Variants in MXRA7 observed in about 807,000 individuals in gnomAD.
The protein encoded by MXRA7 is matrix remodeling associated 7.
MXRA7 carries 18 observed loss-of-function variants against 17.4 expected under a neutral mutation model. That is an observed-to-expected ratio of 1.03 (90% CI 0.71 to 1.53). The LOEUF (loss-of-function observed/expected upper bound fraction) is 1.53. Among genes scored for constraint, MXRA7 ranks in the 40% most tolerant of loss-of-function variants. The pLI, the probability that MXRA7 is intolerant of heterozygous loss-of-function variation, is 0.00. For missense variants in MXRA7, 141 were observed against 209.3 expected, an observed-to-expected ratio of 0.67 and a Z score of 2.01; for synonymous variants, 70 against 101.7, an observed-to-expected ratio of 0.69 and a Z score of 1.87.
intron 1 of MXRA7, among the ~76,000 whole-genome samples, chr17:76,693,421 C>T (rs12950841): frequency 0.28 from 41,573 of 146,188 alleles, 7,018 homozygotes; most frequent in Non-Finnish European, 0.38. Flanking sequence ...GCTGAGATCA[C>T]GCCACTGCAA....
chr17:76,682,819 G>T (rs1468156175), intron 3 of MXRA7, among the ~76,000 whole-genome samples: 3 of 152,166 alleles, frequency 2.0e-5, no homozygotes, highest in African/African-American at 7.2e-5. Flanking sequence ...GCACAAAGTG[G>T]TAACTGCAGC....
chr17:76,687,752 C>T (rs1015427357), intron 2 of MXRA7, among the ~76,000 whole-genome samples: 1 of 152,232 alleles, frequency 6.6e-6, no homozygotes. Context: ...GAGTGGTTTT[C>T]GTCTCAGTAA....
intron 1 of MXRA7, among the ~76,000 whole-genome samples, chr17:76,708,183 G>A (rs959234777): frequency 6.6e-6 from 1 of 152,222 alleles, no homozygotes; most frequent in African/African-American, 2.4e-5. Context: ...GCTGCTTCCC[G>A]GGGCGAGAGA....
intron 1 of MXRA7, among the ~76,000 whole-genome samples, chr17:76,700,013 G>A (rs2076573421): frequency 6.6e-6 from 1 of 152,154 alleles, no homozygotes; most frequent in Non-Finnish European, 1.5e-5. Context: ...AGGTTGGAGT[G>A]CAGTGGCACA....
chr17:76,694,302 C>T (rs552910700), intron 1 of MXRA7, among the ~76,000 whole-genome samples: 65 of 152,248 alleles, frequency 4.3e-4, no homozygotes, highest in African/African-American at 1.5e-3. Flanking sequence ...CCCTGGACCA[C>T]GGTGTCCGCC....
At chr17:76,691,758 G>A (rs2076481047) in intron 1 of MXRA7, among the ~76,000 whole-genome samples, 1 of 152,170 alleles carries the variant, frequency 6.6e-6, no homozygotes, top group Non-Finnish European at 1.5e-5. Context: ...TCTCTTTAAT[G>A]ACAGGCAAAC....
At chr17:76,682,313 C>A (rs2076315757) in intron 3 of MXRA7, among the ~76,000 whole-genome samples, 2 of 152,268 alleles carry the variant, frequency 1.3e-5, no homozygotes, top group Non-Finnish European at 1.5e-5. Context: ...TGCAACTCGA[C>A]TGGACCCTGA....
chr17:76,710,366 C>G (rs1267933601), intron 1 of MXRA7, among the ~76,000 whole-genome samples: 2 of 152,192 alleles, frequency 1.3e-5, no homozygotes, highest in Non-Finnish European at 2.9e-5. Context: ...GAGCAAAACA[C>G]CTCCAAACAA....
At chr17:76,699,393 G>A (rs2076569016) in intron 1 of MXRA7, among the ~76,000 whole-genome samples, 1 of 150,464 alleles carries the variant, frequency 6.6e-6, no homozygotes, top group South Asian at 2.1e-4. Flanking sequence ...CCATTCTCCT[G>A]CCTCAACTTC....
chr17:76,685,212 G>T, intron 2 of MXRA7, 47 bp from the exon 3 acceptor site: 1 of 1,453,062 alleles, frequency 6.9e-7, no homozygotes, highest in Non-Finnish European at 9.7e-7. Context: ...GTAGAGGCTG[G>T]CCCCACAAAC....
rs1233309872 is a variant in MXRA7 at position 76,680,502 on chromosome 17, T to C, written c.*365A>G. 1 of 1,017,216 alleles carries C rather than the reference T, an allele frequency of 9.8e-7. No homozygotes were observed. Among genetic ancestry groups the C allele is most frequent in the Admixed American group, 5.7e-5 (1 of 17,468 alleles). The allele number at this position is 1,017,216 out of a possible 1,614,324, so 63.0% of individuals were successfully genotyped here. ...AAAAGAGGGGAGACTGGAGTGAAAG[T>C]GAACTCTGCTTTTAAAATGTTCTTT... On this transcript the variant is annotated 3_prime_UTR_variant, in exon 4 of 4. Transcript: ENST00000449428.
At chr17:76,692,259 C>CTTT (rs569237354) in intron 1 of MXRA7, among the ~76,000 whole-genome samples, 2 of 141,278 alleles carry the variant, frequency 1.4e-5, no homozygotes, top group African/African-American at 5.2e-5. Flanking sequence ...CTGATTTTTT[C>CTTT]TTTTTTTTTT....
At chr17:76,682,817 T>C (rs1055476477) in intron 3 of MXRA7, among the ~76,000 whole-genome samples, 13 of 152,002 alleles carry the variant, frequency 8.6e-5, no homozygotes, top group African/African-American at 3.1e-4. Context: ...GGGCACAAAG[T>C]GGTAACTGCA....
chr17:76,682,126 C>CG (rs1567976589), intron 3 of MXRA7, among the ~76,000 whole-genome samples: 1 of 152,180 alleles, frequency 6.6e-6, no homozygotes, highest in Admixed American at 6.5e-5. Context: ...TTCAGCATGT[C>CG]GGGGAACTAA....
chr17:76,688,740 T>G (rs915346978), intron 1 of MXRA7: 2 of 1,165,850 alleles, frequency 1.7e-6, no homozygotes. Flanking sequence ...CGGGATGGCC[T>G]TGGTGGAAGG....
At chr17:76,696,532 TAAAAATA>T (rs932820536) in intron 1 of MXRA7, among the ~76,000 whole-genome samples, 2 of 150,652 alleles carry the variant, frequency 1.3e-5, no homozygotes, top group Non-Finnish European at 3.0e-5. Flanking sequence ...AAAAAATAAA[TAAAAATA>T]AAAAATAAAC....
chr17:76,682,767 C>T (rs2076324211), intron 3 of MXRA7, among the ~76,000 whole-genome samples: 1 of 152,130 alleles, frequency 6.6e-6, no homozygotes, highest in African/African-American at 2.4e-5. Context: ...GAACTCCAGT[C>T]CTGCCCCAAG....
At chr17:76,704,781 CA>C (rs34446989) in intron 1 of MXRA7, among the ~76,000 whole-genome samples, 1,324 of 92,882 alleles carry the variant, frequency 0.014, 8 homozygotes, top group East Asian at 0.04. Flanking sequence ...AACTCCGTCT[CA>C]AAAAAAAAAA....
chr17:76,676,726 ACT>A (rs1265856184), downstream of MXRA7: 3 of 152,124 alleles, frequency 2.0e-5, no homozygotes, highest in Admixed American at 6.6e-5. Flanking sequence ...CCAGAGTGAG[ACT>A]CTGTCTCAAA....
Sources: allele counts gnomAD v4.1 joint callset (sites outside exome capture counted in the v4.1 genomes callset), GRCh38; gene constraint gnomAD v4.1.1; transcripts MANE v1.5; gene names NCBI Gene and HGNC (gene_info 2026-07-23, HGNC 2026-07-21).